COL5A2: variants seen among roughly 807,000 people sequenced by gnomAD.
COL5A2 encodes the protein collagen alpha-2(V) chain.
Under a neutral mutation model 208.2 loss-of-function variants are expected in COL5A2, and 23 were observed. That is an observed-to-expected ratio of 0.11 (90% CI 0.08 to 0.16). The LOEUF (loss-of-function observed/expected upper bound fraction) is 0.16. Ranked by LOEUF, COL5A2 falls within the 10% of genes least tolerant of loss-of-function variation. The pLI, the probability that COL5A2 is intolerant of heterozygous loss-of-function variation, is 1.00. For synonymous variants in COL5A2, 625 were observed against 628.5 expected (o/e 0.99, Z 0.08); for missense variants, 1,590 against 1,956.4 (o/e 0.81, Z 3.53).
At chr2:189,078,618 G>T in intron 15 of COL5A2, 49 bp from the exon 16 acceptor site, 1 of 1,460,158 alleles carries the variant, frequency 6.8e-7, no homozygotes, top group Non-Finnish European at 9.6e-7. Context: ...AATTTGAAAT[G>T]TAGAGTAGTC....
the COL5A2 span, among the ~76,000 whole-genome samples, chr2:189,354,869 G>A: frequency 1.3e-5 from 2 of 152,180 alleles, no homozygotes; most frequent in Non-Finnish European, 2.9e-5. Context: ...TAATTGTGAT[G>A]TTAGGGTGTC....
intron 12 of COL5A2, among the ~76,000 whole-genome samples, 158 bp from the exon 13 acceptor site, chr2:189,081,201 T>C (rs1686526853): frequency 6.6e-6 from 1 of 152,194 alleles, no homozygotes; most frequent in South Asian, 2.1e-4. Flanking sequence ...TGTCAAAATA[T>C]ATCTGGGTGA....
the COL5A2 span, among the ~76,000 whole-genome samples, chr2:189,312,201 C>T: frequency 3.9e-5 from 6 of 152,094 alleles, no homozygotes; most frequent in South Asian, 2.1e-4. Flanking sequence ...CAGGTGCTCC[C>T]GGATTTTGCT....
chr2:189,123,206 C>T (rs551121563), intron 1 of COL5A2, among the ~76,000 whole-genome samples: 1 of 152,126 alleles, frequency 6.6e-6, no homozygotes, highest in African/African-American at 2.4e-5. Context: ...TCAAGTGATC[C>T]ACCCACCTCG....
At chr2:189,066,976 T>C (rs1220547127) in intron 21 of COL5A2, among the ~76,000 whole-genome samples, 194 bp from the exon 22 acceptor site, 1 of 152,220 alleles carries the variant, frequency 6.6e-6, no homozygotes, top group East Asian at 1.9e-4. Flanking sequence ...AAATTCAGTA[T>C]AATTTGGAAG....
At chr2:189,440,054 T>G in the COL5A2 span, among the ~76,000 whole-genome samples, 6 of 152,256 alleles carry the variant, frequency 3.9e-5, no homozygotes, top group Non-Finnish European at 8.8e-5. Context: ...TGGTTACAGC[T>G]TGAGATAAAC....
chr2:189,121,059 C>T (rs1055786742), intron 1 of COL5A2, among the ~76,000 whole-genome samples: 1 of 152,118 alleles, frequency 6.6e-6, no homozygotes, highest in Non-Finnish European at 1.5e-5. Context: ...ATTATTAGAA[C>T]ATAATTCTTT....
chr2:189,438,451 G>A, the COL5A2 span, among the ~76,000 whole-genome samples: 1 of 152,166 alleles, frequency 6.6e-6, no homozygotes, highest in Non-Finnish European at 1.5e-5. Flanking sequence ...TCTAAAACCT[G>A]GGGGTAAAAC....
At chr2:189,096,274 A>G (rs900536704) in intron 6 of COL5A2, 9 of 152,324 alleles carry the variant, frequency 5.9e-5, no homozygotes, top group African/African-American at 1.9e-4. Flanking sequence ...AGAAAAAATT[A>G]AACAGTACAA....
the COL5A2 span, among the ~76,000 whole-genome samples, chr2:189,360,779 C>T: frequency 6.6e-6 from 1 of 152,126 alleles, no homozygotes; most frequent in Admixed American, 6.6e-5. Context: ...TTCCCCCACC[C>T]CTCCAACAGG....
At chr2:189,064,464 C>G (rs1218903891) in intron 25 of COL5A2, 93 bp downstream of exon 25, 1 of 886,956 alleles carries the variant, frequency 1.1e-6, no homozygotes, top group Non-Finnish European at 1.9e-6. Context: ...ACTGTAAAAA[C>G]AAACTAAATT....
intron 28 of COL5A2, 24 bp from the exon 29 acceptor site, chr2:189,062,942 T>C: frequency 6.2e-7 from 1 of 1,614,084 alleles, no homozygotes; most frequent in South Asian, 1.1e-5. Context: ...CAGATATTTG[T>C]GAGGTGAGTC....
At chr2:189,258,216 T>C in the COL5A2 span, among the ~76,000 whole-genome samples, 1 of 152,344 alleles carries the variant, frequency 6.6e-6, no homozygotes, top group East Asian at 1.9e-4. Flanking sequence ...TGGGTTAATA[T>C]CTATTATTTA....
chr2:189,315,616 G>A, the COL5A2 span, among the ~76,000 whole-genome samples: 6 of 151,980 alleles, frequency 3.9e-5, no homozygotes, highest in African/African-American at 9.7e-5. Flanking sequence ...AAGGGTATTC[G>A]AATAGGAAGA....
Position 189,173,523 on chromosome 2 carries a change from C to T in COL5A2, c.97+5985G>A, listed in dbSNP as rs191222115. On this transcript the variant is annotated intron_variant, in intron 1 of 53. Coordinates refer to ENST00000374866, the MANE Select transcript of COL5A2 (RefSeq NM_000393.5). ...CATGCAAATGCCAAGAGTAAATAGT[C>T]TTTTAAATATTGAATATCACAGCTC... Among the ~76,000 whole-genome samples the T allele has an allele frequency of 1.7e-3, 255 of 152,178 alleles. No individual in the cohort carries two copies. The Middle Eastern group carries it at 0.024, about 14-fold the overall frequency.
chr2:189,260,283 A>G, the COL5A2 span, among the ~76,000 whole-genome samples: 2 of 152,172 alleles, frequency 1.3e-5, no homozygotes, highest in African/African-American at 4.8e-5. Flanking sequence ...CCTTTAGCAA[A>G]CAGAGATAAT....
chr2:189,359,604 C>A, the COL5A2 span, among the ~76,000 whole-genome samples: 13 of 152,126 alleles, frequency 8.5e-5, no homozygotes, highest in African/African-American at 3.1e-4. Context: ...GAAGTATTCC[C>A]GCCTCTTCAA....
At chr2:189,295,381 G>T in the COL5A2 span, among the ~76,000 whole-genome samples, 5 of 152,192 alleles carry the variant, frequency 3.3e-5, no homozygotes, top group African/African-American at 1.2e-4. Flanking sequence ...AGGTTGGGGG[G>T]TGGATCACTT....
chr2:189,319,049 T>C, the COL5A2 span, among the ~76,000 whole-genome samples: 1 of 152,206 alleles, frequency 6.6e-6, no homozygotes, highest in East Asian at 1.9e-4. Flanking sequence ...CAGGGATGTC[T>C]ATTTTAGACA....
Sources: gnomAD v4.1 joint callset for allele counts (sites outside exome capture counted in the v4.1 genomes callset) on GRCh38, gnomAD v4.1.1 for gene constraint, MANE v1.5 for transcripts, NCBI Gene and HGNC (gene_info 2026-07-23, HGNC 2026-07-21) for gene names.